Variants in PARD3 observed in about 807,000 individuals in gnomAD.
The protein encoded by PARD3 is partitioning defective 3 homolog.
A neutral mutation model predicts 155.4 loss-of-function variants in PARD3; 75 were observed. The ratio of observed to expected loss-of-function variants is 0.48; its 90% CI spans 0.40 to 0.58. PARD3 has a LOEUF of 0.58. PARD3 is among the 20% of genes least tolerant of loss of function. The probability of loss-of-function intolerance (pLI) is 0.00; values close to 1 mark genes in which losing one functional copy is unlikely to be tolerated. For missense variants in PARD3, 1,642 were observed against 1,721.7 expected (o/e 0.95, Z 0.82); for synonymous variants, 576 against 610.5 (o/e 0.94, Z 0.83).
intron 2 of PARD3, among the ~76,000 whole-genome samples, chr10:34,685,233 A>AT (rs1413514238): frequency 4.6e-5 from 7 of 152,352 alleles, no homozygotes; most frequent in African/African-American, 1.7e-4. Context: ...AACACATTTC[A>AT]TAAGTTTTTC....
chr10:34,321,382 T>C (rs1408202868), intron 19 of PARD3, among the ~76,000 whole-genome samples: 1 of 152,210 alleles, frequency 6.6e-6, no homozygotes, highest in Non-Finnish European at 1.5e-5. Context: ...TATACATTTC[T>C]TGATTTTTTT....
chr10:34,154,652 G>T (rs939175913), intron 22 of PARD3, among the ~76,000 whole-genome samples: 2 of 152,150 alleles, frequency 1.3e-5, no homozygotes, highest in Non-Finnish European at 2.9e-5. Flanking sequence ...TTTCTCCCCA[G>T]ACAGTGCCCT....
At chr10:34,281,167 T>C (rs887351759) in intron 21 of PARD3, among the ~76,000 whole-genome samples, 2 of 152,122 alleles carry the variant, frequency 1.3e-5, no homozygotes, top group Non-Finnish European at 2.9e-5. Context: ...CATGTTCTGT[T>C]TTGAGTTTGG....
chr10:34,279,756 G>A (rs775421895), intron 21 of PARD3, among the ~76,000 whole-genome samples: 8 of 152,036 alleles, frequency 5.3e-5, no homozygotes, highest in Non-Finnish European at 1.2e-4. Flanking sequence ...CCAAGAATGG[G>A]GAGTATCCCA....
chr10:34,671,950 G>A (rs1310606752), intron 2 of PARD3, among the ~76,000 whole-genome samples: 1 of 152,042 alleles, frequency 6.6e-6, no homozygotes, highest in African/African-American at 2.4e-5. Context: ...CAAGGTGTGA[G>A]GATTGCTGGA....
chr10:34,283,110 C>T (rs1956231817), intron 21 of PARD3, among the ~76,000 whole-genome samples: 1 of 152,038 alleles, frequency 6.6e-6, no homozygotes, highest in Non-Finnish European at 1.5e-5. Flanking sequence ...ACACTAATCT[C>T]TTTTAAATAA....
intron 2 of PARD3, among the ~76,000 whole-genome samples, chr10:34,573,248 C>A (rs1564366809): frequency 6.6e-6 from 1 of 151,988 alleles, no homozygotes; most frequent in African/African-American, 2.4e-5. Context: ...CCCAGCTACT[C>A]AAGAGGCTGA....
intron 1 of PARD3, among the ~76,000 whole-genome samples, chr10:34,768,360 G>A (rs1452738059): frequency 3.0e-5 from 4 of 131,574 alleles, no homozygotes; most frequent in Non-Finnish European, 6.7e-5. Flanking sequence ...GGGATAACTC[G>A]AAGCAAAGGC....
intron 22 of PARD3, among the ~76,000 whole-genome samples, chr10:34,227,099 A>G (rs905733898): frequency 4.6e-5 from 7 of 152,246 alleles, no homozygotes; most frequent in Non-Finnish European, 1.0e-4. Flanking sequence ...ATGGGAAAAA[A>G]TACTTGCAAA....
intron 7 of PARD3, among the ~76,000 whole-genome samples, chr10:34,390,583 G>C (rs1842788776): frequency 6.6e-6 from 1 of 152,060 alleles, no homozygotes; most frequent in Admixed American, 6.6e-5. Context: ...ACTTGCCCAA[G>C]GCCACACTAC....
chr10:34,654,292 C>T (rs2093102567), intron 2 of PARD3, among the ~76,000 whole-genome samples: 1 of 152,060 alleles, frequency 6.6e-6, no homozygotes, highest in Non-Finnish European at 1.5e-5. Flanking sequence ...AAGGTGATAT[C>T]ATATAACAAT....
At position 34,360,101 on chromosome 10, in the gene PARD3, C is replaced by T; in HGVS notation, c.1866G>A (p.Lys622=). Residue 622 remains lysine, a synonymous_variant, in exon 13 of 25, where the codon AAG becomes AAA. Coordinates refer to ENST00000374788, the MANE Select transcript of PARD3 (RefSeq NM_001184785.2). The part of the protein sequence containing the change: ...ENHADLGIFV[K]SIINGGAASK... ...ATGCTGCTCCTCCATTAATAATGGA[C>T]TTGACAAAGATTCCCAAATCTGCGT... 6.2e-7 allele frequency: 1 copy of T among 1,614,088 alleles called. No individual in the cohort carries two copies. The highest frequency in any genetic ancestry group is 8.5e-7 in the Non-Finnish European group (1 of 1,179,960).
At chr10:34,405,079 A>AACACAC (rs200596601) in intron 5 of PARD3, among the ~76,000 whole-genome samples, 267 of 59,424 alleles carry the variant, frequency 4.5e-3, no homozygotes, top group South Asian at 0.012. Context: ...CACAAACACA[A>AACACAC]ACACACACAC....
intron 22 of PARD3, among the ~76,000 whole-genome samples, chr10:34,222,630 G>A (rs1952365553): frequency 1.3e-5 from 2 of 152,210 alleles, no homozygotes; most frequent in African/African-American, 4.8e-5. Context: ...GGTACCCCAG[G>A]TCTGTGAGCG....
chr10:34,128,460 T>C (rs574752062), intron 23 of PARD3, among the ~76,000 whole-genome samples: 5 of 152,218 alleles, frequency 3.3e-5, no homozygotes, highest in Non-Finnish European at 7.3e-5. Context: ...ACATAAAATG[T>C]ACAGAGTGTG....
In PARD3 at chr10:34,148,336, C is replaced by T. The variant is rs564039753; in HGVS notation, c.3420-16753G>A. Among the ~76,000 whole-genome samples the T allele has an allele frequency of 7.2e-5, 11 of 152,292 alleles. No individual in the cohort carries two copies. The South Asian group carries it at 1.2e-3, about 17-fold the overall frequency. On this transcript the variant is annotated intron_variant, in intron 22 of 24. Transcript: ENST00000374788. The stretch of plus-strand genomic sequence containing the variant: ...ACATTAAGCCTCAGAAGTCACAGGC[C>T]TCCACAGATACCGTTTTGTTTTGTC...
At chr10:34,533,086 A>C (rs2082969223) in intron 2 of PARD3, among the ~76,000 whole-genome samples, 1 of 152,262 alleles carries the variant, frequency 6.6e-6, no homozygotes, top group Non-Finnish European at 1.5e-5. Flanking sequence ...TAACCAAAGA[A>C]AAAGTACAAT....
chr10:34,668,064 G>C (rs1361524207), intron 2 of PARD3, among the ~76,000 whole-genome samples: 2 of 152,132 alleles, frequency 1.3e-5, no homozygotes, highest in African/African-American at 4.8e-5. Context: ...GCCTGAAATG[G>C]TCAAGGTGGA....
chr10:34,313,453 A>G (rs1239955239), intron 20 of PARD3, among the ~76,000 whole-genome samples: 1 of 152,230 alleles, frequency 6.6e-6, no homozygotes, highest in Non-Finnish European at 1.5e-5. Flanking sequence ...TAAGACTTGC[A>G]TTAAGGCGGC....
Sources: gnomAD v4.1 joint callset for allele counts (sites outside exome capture counted in the v4.1 genomes callset) on GRCh38, gnomAD v4.1.1 for gene constraint, MANE v1.5 for transcripts, NCBI Gene and HGNC (gene_info 2026-07-23, HGNC 2026-07-21) for gene names.